The following TMEM117 variants were observed in gnomAD, a reference collection of about 807,000 sequenced individuals.
TMEM117 encodes the protein transmembrane protein 117.
Under a neutral mutation model 52.4 loss-of-function variants are expected in TMEM117, and 27 were observed. The ratio of observed to expected loss-of-function variants is 0.51; its 90% confidence interval spans 0.38 to 0.71. The LOEUF (loss-of-function observed/expected upper bound fraction) is 0.71, where lower values mean the gene tolerates loss of function less well. Ranked by LOEUF, TMEM117 falls within the 30% of genes least tolerant of loss-of-function variation. TMEM117 has a pLI of 0.00. For synonymous variants in TMEM117, 215 were observed against 206.3 expected (o/e 1.04, Z -0.36); for missense variants, 556 against 630.5 (o/e 0.88, Z 1.26).
At chr12:43,958,298 GA>G (rs1048942523) in intron 3 of TMEM117, among the ~76,000 whole-genome samples, 2 of 152,156 alleles carry the variant, frequency 1.3e-5, no homozygotes, top group African/African-American at 4.8e-5. Context: ...ATCCTTCTGT[GA>G]ACTGGAATGT....
the TMEM117 span, among the ~76,000 whole-genome samples, chr12:44,399,022 T>C: frequency 6.6e-6 from 1 of 152,218 alleles, no homozygotes; most frequent in Non-Finnish European, 1.5e-5. Context: ...TCCACATTTG[T>C]ATTACAAAAT....
the TMEM117 span, among the ~76,000 whole-genome samples, chr12:43,816,061 A>AT: frequency 6.6e-6 from 1 of 152,144 alleles, no homozygotes; most frequent in African/African-American, 2.4e-5. Flanking sequence ...TGTTGTGAAG[A>AT]TTTTTTTAAA....
At chr12:44,028,815 C>A (rs1946584457) in intron 3 of TMEM117, among the ~76,000 whole-genome samples, 1 of 152,138 alleles carries the variant, frequency 6.6e-6, no homozygotes, top group African/African-American at 2.4e-5. Context: ...GTGGACTCAC[C>A]CTGAATTCTT....
chr12:44,167,067 A>G (rs1948977486), intron 4 of TMEM117, among the ~76,000 whole-genome samples: 1 of 152,100 alleles, frequency 6.6e-6, no homozygotes, highest in African/African-American at 2.4e-5. Flanking sequence ...CTTGAGTTTC[A>G]CAGAAGTGTA....
At chr12:44,115,426 A>T (rs1358029574) in intron 3 of TMEM117, among the ~76,000 whole-genome samples, 1 of 152,160 alleles carries the variant, frequency 6.6e-6, no homozygotes, top group African/African-American at 2.4e-5. Flanking sequence ...CCTGCACGTT[A>T]TACACATGTA....
chr12:44,018,396 G>T (rs1254176160), intron 3 of TMEM117, among the ~76,000 whole-genome samples: 1 of 152,104 alleles, frequency 6.6e-6, no homozygotes, highest in Non-Finnish European at 1.5e-5. Context: ...TACTGAATTT[G>T]CAAGTGTTCT....
chr12:44,071,004 G>A (rs1947293589), intron 3 of TMEM117, among the ~76,000 whole-genome samples: 1 of 152,182 alleles, frequency 6.6e-6, no homozygotes, highest in Admixed American at 6.5e-5. Context: ...TGAGAATTCA[G>A]GGGTAGAGTA....
chr12:44,391,746 C>T (rs2138883621), downstream of TMEM117, among the ~76,000 whole-genome samples: 1 of 152,320 alleles, frequency 6.6e-6, no homozygotes, highest in East Asian at 1.9e-4. Context: ...GATTATCTGA[C>T]ATTCAGCTAA....
intron 3 of TMEM117, among the ~76,000 whole-genome samples, chr12:44,124,828 A>G (rs1412541451): frequency 5.9e-5 from 9 of 152,158 alleles, no homozygotes; most frequent in Non-Finnish European, 1.3e-4. Flanking sequence ...GGATTTTTGC[A>G]TCAATGTTCA....
intron 3 of TMEM117, among the ~76,000 whole-genome samples, chr12:44,118,891 A>G (rs1001962181): frequency 6.6e-6 from 1 of 152,178 alleles, no homozygotes; most frequent in Non-Finnish European, 1.5e-5. Flanking sequence ...CTTGCATTTT[A>G]CTTTCCAGTT....
chr12:44,313,624 A>T (rs1565704217), intron 6 of TMEM117, among the ~76,000 whole-genome samples: 1 of 152,126 alleles, frequency 6.6e-6, no homozygotes, highest in Non-Finnish European at 1.5e-5. Context: ...TTTTAGAATA[A>T]TTTTTTATAA....
intron 3 of TMEM117, among the ~76,000 whole-genome samples, chr12:43,952,535 A>G (rs1194779484): frequency 6.6e-6 from 1 of 152,008 alleles, no homozygotes; most frequent in Admixed American, 6.6e-5. Context: ...CAGAAGAGAG[A>G]ATATCAGAGC....
chr12:44,057,568 G>T (rs1278196862), intron 3 of TMEM117, among the ~76,000 whole-genome samples: 2 of 151,014 alleles, frequency 1.3e-5, no homozygotes, highest in Non-Finnish European at 2.9e-5. Context: ...GCCATAGAAA[G>T]TCTGTGCTAT....
intron 5 of TMEM117, among the ~76,000 whole-genome samples, chr12:44,288,756 T>C (rs747228031): frequency 6.6e-6 from 1 of 152,198 alleles, no homozygotes; most frequent in Non-Finnish European, 1.5e-5. Context: ...AAATTGTATA[T>C]GTTTAAAGTG....
chr12:43,835,480 ATGTG>A (rs142143920), upstream of TMEM117, among the ~76,000 whole-genome samples: 2 of 150,180 alleles, frequency 1.3e-5, no homozygotes, highest in African/African-American at 4.9e-5. Context: ...ATGTGTGCAT[ATGTG>A]TGTGTGTGTG....
At chr12:44,171,411 G>A (rs553362751) in intron 4 of TMEM117, among the ~76,000 whole-genome samples, 46 of 152,238 alleles carry the variant, frequency 3.0e-4, no homozygotes, top group African/African-American at 1.1e-3. Context: ...ATCCATTAGT[G>A]GATCTTATCA....
intron 4 of TMEM117, among the ~76,000 whole-genome samples, chr12:44,179,874 A>G (rs1319933837): frequency 6.6e-6 from 1 of 152,200 alleles, no homozygotes. Context: ...CTATATAACA[A>G]CAATTCATTG....
At chr12:44,038,907 C>T (rs2137890353) in intron 3 of TMEM117, among the ~76,000 whole-genome samples, 1 of 152,308 alleles carries the variant, frequency 6.6e-6, no homozygotes, top group African/African-American at 2.4e-5. Flanking sequence ...CACTGCTCAG[C>T]TACAACAGTA....
upstream of TMEM117, among the ~76,000 whole-genome samples, chr12:43,832,364 C>A (rs1370603675): frequency 6.6e-6 from 1 of 152,078 alleles, no homozygotes; most frequent in Non-Finnish European, 1.5e-5. Flanking sequence ...CATTTAAAAC[C>A]CCTAATAGGT....
Sources: allele counts gnomAD v4.1 joint callset (sites outside exome capture counted in the v4.1 genomes callset), GRCh38; gene constraint gnomAD v4.1.1; transcripts MANE v1.5; gene names NCBI Gene and HGNC (gene_info 2026-07-23, HGNC 2026-07-21).